The following GTF2A1L variants were observed in gnomAD, a reference collection of about 807,000 sequenced individuals.
GTF2A1L encodes general transcription factor IIA subunit 1 like.
Under a neutral mutation model 49.7 loss-of-function variants are expected in GTF2A1L, and 48 were observed. The ratio of observed to expected loss-of-function variants is 0.97; its 90% CI spans 0.77 to 1.23. The LOEUF is 1.23. Among genes scored for constraint, GTF2A1L ranks in the 50% most tolerant of loss-of-function variants. The pLI is 0.00. For missense variants in GTF2A1L, 736 were observed against 564.8 expected (o/e 1.30, Z -3.07); for synonymous variants, 246 against 193.5 (o/e 1.27, Z -2.25).
intron 6 of GTF2A1L, 81 bp downstream of exon 6, chr2:48,647,123 T>C (rs1677564529): frequency 8.2e-7 from 1 of 1,217,312 alleles, no homozygotes; most frequent in Non-Finnish European, 1.1e-6. Context: ...TTTCAAGCTG[T>C]AATGTTAATC....
chr2:48,639,762 C>G, intron 3 of GTF2A1L, among the ~76,000 whole-genome samples: 1 of 152,094 alleles, frequency 6.6e-6, no homozygotes, highest in Middle Eastern at 3.4e-3. Flanking sequence ...AGGAAGCAGC[C>G]TACAGAATGG....
rs1206410698 is a variant in GTF2A1L at position 48,645,742 on chromosome 2, G to GT, written c.388+625_388+626insT. Among the ~76,000 whole-genome samples the GT allele has an allele frequency of 5.3e-5, 8 of 152,094 alleles. No homozygotes were observed. The South Asian group carries it at 6.3e-4, about 12-fold the overall frequency. On this transcript the variant is annotated intron_variant, in intron 5 of 8. Transcript: ENST00000403751. ...CTGCTCACTGCAAGCTCCGCCTCCT[G>GT]GGTTCACGCCATTCTCCTGCCTCAG...
At chr2:48,641,294 T>G (rs1677183416) in intron 3 of GTF2A1L, among the ~76,000 whole-genome samples, 1 of 152,182 alleles carries the variant, frequency 6.6e-6, no homozygotes, top group African/African-American at 2.4e-5. Context: ...AGGTCGTAGA[T>G]GAACAGAGGA....
Position 48,633,257 on chromosome 2 carries a change from C to A in GTF2A1L, c.248-9145C>A, listed in dbSNP as rs190845861. 260 of 164,762 alleles carry A rather than the reference C, an allele frequency of 1.6e-3. 1 individual carries two copies. Among genetic ancestry groups the A allele is most frequent in the African/African-American group, 6.0e-3 (252 of 41,838 alleles). The allele number at this position is 164,762 out of a possible 1,614,324, so 10.2% of individuals were successfully genotyped here. On this transcript the variant is annotated intron_variant, in intron 3 of 8. Transcript: ENST00000403751. ...TACTGACTATCTTCTTCCCCACCCC[C>A]CCGTCCCACTTCCAGGCACAGCCAG...
At chr2:48,670,088 C>G in intron 7 of GTF2A1L, 106 bp downstream of exon 7, 1 of 1,452,364 alleles carries the variant, frequency 6.9e-7, no homozygotes, top group Admixed American at 2.6e-5. Flanking sequence ...TTTCTTTACT[C>G]TTTTGAAATA....
intron 3 of GTF2A1L, among the ~76,000 whole-genome samples, chr2:48,640,599 A>G (rs1677147237): frequency 6.6e-6 from 1 of 152,164 alleles, no homozygotes; most frequent in Non-Finnish European, 1.5e-5. Context: ...TTCCTGGATA[A>G]TGAAATAATC....
intron 8 of GTF2A1L, among the ~76,000 whole-genome samples, chr2:48,676,470 A>T (rs1230244055): frequency 5.3e-5 from 8 of 151,752 alleles, no homozygotes; most frequent in Non-Finnish European, 7.4e-5. Flanking sequence ...CCTTGTTGGA[A>T]TTTTTAACTT....
chr2:48,635,557 C>G (rs930082634), intron 3 of GTF2A1L, among the ~76,000 whole-genome samples: 3 of 152,076 alleles, frequency 2.0e-5, no homozygotes, highest in Non-Finnish European at 4.4e-5. Flanking sequence ...CTGCAAGTCT[C>G]ATTGCCCAGG....
chr2:48,662,173 C>T (rs1323354960), intron 6 of GTF2A1L, among the ~76,000 whole-genome samples: 1 of 152,192 alleles, frequency 6.6e-6, no homozygotes, highest in South Asian at 2.1e-4. Context: ...CAACTTTGCC[C>T]TCCCCTACTT....
chr2:48,633,922 G>C (rs967910802), intron 3 of GTF2A1L, among the ~76,000 whole-genome samples: 8 of 151,938 alleles, frequency 5.3e-5, no homozygotes, highest in African/African-American at 1.9e-4. Flanking sequence ...TTTAAAGTCT[G>C]TTTTGTCTTA....
chr2:48,637,664 C>G (rs1676977508), intron 3 of GTF2A1L, among the ~76,000 whole-genome samples: 1 of 152,036 alleles, frequency 6.6e-6, no homozygotes. Context: ...AAAAACCATT[C>G]AAAAGATTAA....
chr2:48,620,067 A>T (rs1016893878), intron 1 of GTF2A1L, among the ~76,000 whole-genome samples: 2 of 152,198 alleles, frequency 1.3e-5, no homozygotes, highest in African/African-American at 4.8e-5. Context: ...TGTTTACCCC[A>T]GTTTTCTGGC....
intron 6 of GTF2A1L, among the ~76,000 whole-genome samples, chr2:48,666,362 C>G (rs981636422): frequency 6.6e-6 from 1 of 152,028 alleles, no homozygotes; most frequent in African/African-American, 2.4e-5. Context: ...TGTGCCACCA[C>G]GCCCAGCTAA....
chr2:48,646,666 C>A lies in GTF2A1L; in HGVS notation c.602C>A (p.Pro201His). 6.2e-7 allele frequency: 1 copy of A among 1,614,114 alleles called. No individual in the cohort carries two copies. Among genetic ancestry groups the A allele is most frequent in the Non-Finnish European group, 8.5e-7 (1 of 1,180,012 alleles). ...GTGCTACAGCAACCCGCAATTCTAC[C>A]TTCTGGGCCAGTAGATAGGAAACAC... ...ETVLQQPAIL[P>H]SGPVDRKHLE... Residue 201 changes from proline to histidine, a missense_variant, in exon 6 of 9, where the codon CCT becomes CAT. By Grantham distance (77) the Pro-to-His change is moderately conservative (BLOSUM62 -2). Coordinates refer to ENST00000403751, the MANE Select transcript of GTF2A1L (RefSeq NM_006872.5).
intron 3 of GTF2A1L, among the ~76,000 whole-genome samples, chr2:48,629,491 C>G (rs952048049): frequency 6.9e-6 from 1 of 144,250 alleles, no homozygotes; most frequent in Non-Finnish European, 1.6e-5. Flanking sequence ...TGTGGACTAG[C>G]TGCCTTGCAT....
intron 6 of GTF2A1L, among the ~76,000 whole-genome samples, chr2:48,654,429 C>T (rs951739578): frequency 1.3e-5 from 2 of 151,862 alleles, no homozygotes; most frequent in South Asian, 2.1e-4. Flanking sequence ...GACAGAGTCT[C>T]GCTCTGTCGC....
chr2:48,619,489 T>A (rs1466576021), intron 1 of GTF2A1L, among the ~76,000 whole-genome samples: 28 of 149,262 alleles, frequency 1.9e-4, no homozygotes, highest in African/African-American at 6.2e-4. Context: ...AAAATAATAA[T>A]AATAATAAAA....
intron 5 of GTF2A1L, 106 bp downstream of exon 5, chr2:48,645,223 CT>C (rs1677428983): frequency 9.7e-7 from 1 of 1,031,136 alleles, no homozygotes. Flanking sequence ...GTTATAAGAA[CT>C]TTTAATAAAA....
chr2:48,627,490 C>A (rs147432263), intron 3 of GTF2A1L, among the ~76,000 whole-genome samples: 1,958 of 143,830 alleles, frequency 0.014, 325 homozygotes, highest in Middle Eastern at 0.028. Context: ...TATAACTAGG[C>A]CTCTCATCCA....
Sources: gnomAD v4.1 joint callset for allele counts (sites outside exome capture counted in the v4.1 genomes callset) on GRCh38, gnomAD v4.1.1 for gene constraint, MANE v1.5 for transcripts, NCBI Gene and HGNC (gene_info 2026-07-23, HGNC 2026-07-21) for gene names.